The following GLRA3 variants were observed in gnomAD, a reference collection of about 807,000 sequenced individuals.
GLRA3 encodes glycine receptor alpha 3.
GLRA3 carries 44 observed loss-of-function variants against 60.4 expected under a neutral mutation model. The ratio of observed to expected loss-of-function variants is 0.73; its 90% CI spans 0.57 to 0.94. The LOEUF (loss-of-function observed/expected upper bound fraction) is 0.94, where lower values mean the gene tolerates loss of function less well. Ranked by LOEUF, GLRA3 falls within the 40% of genes least tolerant of loss-of-function variation. The pLI is 0.00. For synonymous variants in GLRA3, 223 were observed against 192.9 expected, an observed-to-expected ratio of 1.16 and a Z score of -1.29; for missense variants, 508 against 564.6, an observed-to-expected ratio of 0.90 and a Z score of 1.02.
At chr4:174,812,079 G>A (rs1740298594) in intron 1 of GLRA3, among the ~76,000 whole-genome samples, 1 of 151,794 alleles carries the variant, frequency 6.6e-6, no homozygotes, top group Admixed American at 6.6e-5. Context: ...CAAAAATACT[G>A]GGAAAAAGTT....
At chr4:174,750,602 G>A (rs1327236004) in intron 3 of GLRA3, among the ~76,000 whole-genome samples, 5 of 152,014 alleles carry the variant, frequency 3.3e-5, no homozygotes, top group African/African-American at 1.2e-4. Flanking sequence ...TGAACATATT[G>A]CTCCTGAAAT....
At chr4:174,689,756 T>TAAAAAAAAAAAAAAAAAAAAA (rs553306775) in intron 5 of GLRA3, among the ~76,000 whole-genome samples, 7 of 39,540 alleles carry the variant, frequency 1.8e-4, no homozygotes, top group African/African-American at 4.3e-4. Flanking sequence ...TAAGTCGCAT[T>TAAAAAAAAAAAAAAAAAAAAA]AAAAAAAAAA....
At chr4:174,651,974 G>A (rs953200842) in intron 9 of GLRA3, among the ~76,000 whole-genome samples, 2 of 152,040 alleles carry the variant, frequency 1.3e-5, no homozygotes, top group African/African-American at 4.8e-5. Context: ...CAGTAAGACA[G>A]GGGATGAGAG....
rs576595070 is a variant in GLRA3 at position 174,813,467 on chromosome 4, G to A, written c.71+15274C>T. 3.2e-4 allele frequency among the ~76,000 whole-genome samples: 49 copies of A among 152,236 alleles called. No individual in the cohort carries two copies. In the East Asian group the frequency reaches 4.1e-3, roughly 13 times the overall value. The stretch of plus-strand genomic sequence containing the variant: ...CTGAATCCTCTATGAAAACTACAGC[G>A]TAGCCACACCACAGTACCAGAAATA... On this transcript the variant is annotated intron_variant, in intron 1 of 9. Transcript: ENST00000274093.
At chr4:174,798,119 C>A (rs759659571) in intron 1 of GLRA3, among the ~76,000 whole-genome samples, 7 of 152,066 alleles carry the variant, frequency 4.6e-5, no homozygotes, top group Non-Finnish European at 1.0e-4. Context: ...TTGAGACAGA[C>A]CTTGAGACAT....
intron 9 of GLRA3, among the ~76,000 whole-genome samples, chr4:174,653,119 T>G (rs999342117): frequency 1.3e-5 from 2 of 152,026 alleles, no homozygotes; most frequent in African/African-American, 4.8e-5. Flanking sequence ...TATTACCAAA[T>G]AGGAATGTAA....
At chr4:174,678,867 A>G (rs964805728) in intron 6 of GLRA3, among the ~76,000 whole-genome samples, 11 of 152,334 alleles carry the variant, frequency 7.2e-5, no homozygotes, top group African/African-American at 2.6e-4. Context: ...ACATATTTAT[A>G]ATATCAGTTA....
Position 174,766,992 on chromosome 4 carries a change from T to C in GLRA3, c.238A>G (p.Ser80Gly). ...GTCGTCTCTGCGATAGAGCCAAAGC[T>C]GTTGATGAATATGTTGCATGTGACA... ...VNVTCNIFIN[S>G]FGSIAETTMD... Residue 80 changes from serine to glycine, a missense_variant, in exon 3 of 10, where the codon AGC becomes GGC. Physicochemically the swap from Ser to Gly is moderately conservative, Grantham distance 56 (BLOSUM62 0). This residue lies in a region of GLRA3 where 329 missense variants were observed against 349.3 expected (regional missense o/e 0.94). Transcript: ENST00000274093. 1 of 1,602,176 alleles carries C rather than the reference T, an allele frequency of 6.2e-7. No individual in the cohort carries two copies. The highest frequency in any genetic ancestry group is 8.5e-7 in the Non-Finnish European group (1 of 1,170,564).
At chr4:174,751,536 A>G (rs1220767988) in intron 3 of GLRA3, among the ~76,000 whole-genome samples, 2 of 152,136 alleles carry the variant, frequency 1.3e-5, no homozygotes, top group African/African-American at 4.8e-5. Flanking sequence ...ATAAAAGAGA[A>G]TATAGTTTGA....
chr4:174,649,949 G>C (rs1298178086), intron 9 of GLRA3, among the ~76,000 whole-genome samples: 1 of 152,120 alleles, frequency 6.6e-6, no homozygotes, highest in East Asian at 1.9e-4. Context: ...AACCGGATAA[G>C]AAACAATTTG....
At chr4:174,818,879 T>C (rs1740618453) in intron 1 of GLRA3, among the ~76,000 whole-genome samples, 1 of 152,212 alleles carries the variant, frequency 6.6e-6, no homozygotes, top group Admixed American at 6.5e-5. Context: ...GATTTAATAA[T>C]GTGGAAAATA....
intron 3 of GLRA3, among the ~76,000 whole-genome samples, chr4:174,761,482 T>C (rs1737943341): frequency 6.6e-6 from 1 of 152,174 alleles, no homozygotes; most frequent in African/African-American, 2.4e-5. Context: ...CACCGACACC[T>C]GAAAAACTAT....
chr4:174,702,048 A>T (rs537443657), intron 5 of GLRA3, among the ~76,000 whole-genome samples: 1 of 152,358 alleles, frequency 6.6e-6, no homozygotes, highest in African/African-American at 2.4e-5. Flanking sequence ...TCCAATTAGG[A>T]AAGTTCTACT....
Position 174,639,364 on chromosome 4 carries a change from ATATGTG to A in GLRA3, c.*4416_*4421del, listed in dbSNP as rs1333795415. On this transcript the variant is annotated 3_prime_UTR_variant, in exon 10 of 10. Coordinates refer to ENST00000274093, the MANE Select transcript of GLRA3 (RefSeq NM_006529.4). ...TCTAAAGGAATTCATCTCATTACCA[ATATGTG>A]TATGTGTGTGTGTGTGTGTGTGTGT... The A allele has an allele frequency of 2.9e-4, 32 of 108,594 alleles. 2 individuals carry two copies. Among genetic ancestry groups the A allele is most frequent in the East Asian group, 9.9e-4 (3 of 3,040 alleles). The allele number at this position is 108,594 out of a possible 1,614,324, so 6.7% of individuals were successfully genotyped here. A position where few individuals can be genotyped will look rare whatever the true frequency, so the allele number is the denominator to read the frequency against.
At position 174,671,892 on chromosome 4, in the gene GLRA3, C is replaced by A. The variant is rs544249342; in HGVS notation, c.927+5186G>T. Among the ~76,000 whole-genome samples the A allele has an allele frequency of 1.3e-3, 191 of 152,198 alleles. 1 individual carries two copies. Among genetic ancestry groups the A allele is most frequent in the Middle Eastern group, 6.8e-3 (2 of 294 alleles). On this transcript the variant is annotated intron_variant, in intron 7 of 9. Coordinates refer to ENST00000274093, the MANE Select transcript of GLRA3 (RefSeq NM_006529.4). The stretch of plus-strand genomic sequence containing the variant: ...TCTGAAACTCCTAGCCTCAAGTGAT[C>A]CACCCGCTTCTGCCTCCCAAAGTGC...
intron 9 of GLRA3, among the ~76,000 whole-genome samples, chr4:174,656,172 C>A (rs773294988): frequency 9.2e-5 from 14 of 152,064 alleles, no homozygotes; most frequent in Non-Finnish European, 1.9e-4. Context: ...TATACTTGGA[C>A]ATGTGTCTTT....
Position 174,828,802 on chromosome 4 carries a change from C to T in GLRA3, c.10G>A (p.Val4Met). The T allele has an allele frequency of 2.5e-6, 4 of 1,608,176 alleles. No individual in the cohort carries two copies. Among genetic ancestry groups the T allele is most frequent in the Non-Finnish European group, 3.4e-6 (4 of 1,174,616 alleles). ...GAAACTAATGTCCGAAAGTGTCTCACGTGGGCCATGATACGGAGAGATATT... is the reference window on the plus strand; with the variant it reads ...GAAACTAATGTCCGAAAGTGTCTCATGTGGGCCATGATACGGAGAGATATT... MAH[V>M]RHFRTLVSGF... The change falls in exon 1 of 10, where the codon GTG (valine) becomes ATG (methionine). Residue 4 changes from valine to methionine, a missense_variant. Val to Met is a conservative substitution (Grantham distance 21). Transcript: ENST00000274093.
At chr4:174,763,037 A>AATT (rs1273086683) in intron 3 of GLRA3, among the ~76,000 whole-genome samples, 1 of 152,120 alleles carries the variant, frequency 6.6e-6, no homozygotes, top group Admixed American at 6.5e-5. Context: ...TTTAGCTCAT[A>AATT]ATTATGTTTA....
chr4:174,768,354 T>A (rs1267302202), intron 2 of GLRA3, among the ~76,000 whole-genome samples: 1 of 152,192 alleles, frequency 6.6e-6, no homozygotes, highest in Non-Finnish European at 1.5e-5. Context: ...TAACGGTTAA[T>A]CTTGACAATT....
Sources: gnomAD v4.1 joint callset for allele counts (sites outside exome capture counted in the v4.1 genomes callset) on GRCh38, gnomAD v4.1.1 for gene constraint, gnomAD v4.1.1 regional missense constraint, MANE v1.5 for transcripts, NCBI Gene and HGNC (gene_info 2026-07-23, HGNC 2026-07-21) for gene names.